SLC6A3: variants seen among roughly 807,000 people sequenced by gnomAD.
SLC6A3 encodes the protein sodium-dependent dopamine transporter.
Under a neutral mutation model 70.4 loss-of-function variants are expected in SLC6A3, and 19 were observed. The observed-to-expected ratio is 0.27, with a 90% CI of 0.19 to 0.40. SLC6A3 has a LOEUF of 0.40. Among genes scored for constraint, SLC6A3 ranks in the 10% least tolerant of loss-of-function variants. The pLI, the probability that SLC6A3 is intolerant of heterozygous loss-of-function variation, is 1.00. For synonymous variants in SLC6A3, 368 were observed against 356.6 expected (o/e 1.03, Z -0.36); for missense variants, 613 against 838.5 (o/e 0.73, Z 3.32).
rs1259708716 is a variant in SLC6A3 at position 1,404,581 on chromosome 5, T to C, written c.1600-1492A>G. Among the ~76,000 whole-genome samples, 2 of 152,248 alleles carry C rather than the reference T, an allele frequency of 1.3e-5. No homozygotes were observed. The highest frequency in any genetic ancestry group is 2.9e-5 in the Non-Finnish European group (2 of 68,036). The stretch of plus-strand genomic sequence containing the variant: ...TGGCATCATCTGCCACAGAGTCATC[T>C]GAACGAGACTGGGGCGTGTACACCC... On this transcript the variant is annotated intron_variant, in intron 12 of 14. Transcript: ENST00000270349. The surrounding 1 kb of genome is among the most constrained non-coding windows in gnomAD (Gnocchi z 5.2).
rs75916702 is a variant in SLC6A3, at chr5:1,409,113, C to T, written c.1411G>A (p.Val471Ile). The T allele has an allele frequency of 2.1e-5, 34 of 1,610,534 alleles. No individual in the cohort carries two copies. The highest frequency in any genetic ancestry group is 2.5e-5 in the Non-Finnish European group (30 of 1,178,586). The change falls in exon 11 of 15, where the codon GTC becomes ATC. Residue 471 changes from valine to isoleucine, a missense_variant. Physicochemically the swap from Val to Ile is conservative, Grantham distance 29. Coordinates refer to ENST00000270349, the MANE Select transcript of SLC6A3 (RefSeq NM_001044.5). ...GCAAAATGGTCCAGGAGCGTGAAGA[C>T]GTAGATGCCACCCTGGAAGAGAGGG... ...LFCVTNGGIY[V>I]FTLLDHFAAG...
rs750196294 is a variant in SLC6A3 at position 1,416,151 on chromosome 5, G to A, written c.978C>T (p.Phe326=). ...TQVCFSLGVG[F]GVLIAFSSYN... The stretch of plus-strand genomic sequence containing the variant: ...AGCTGGAGAAGGCGATCAGCACCCC[G>A]AACCCCACGCCCAGGGAGAAGCACA... The change falls in exon 7 of 15, where the codon TTC becomes TTT. Residue 326 remains phenylalanine (F), a synonymous_variant. Transcript: ENST00000270349. 2.1e-5 allele frequency: 34 copies of A among 1,613,820 alleles called. No individual in the cohort carries two copies. The highest frequency in any genetic ancestry group is 4.5e-5 in the East Asian group (2 of 44,894).
At position 1,414,811 on chromosome 5, in the gene SLC6A3, C is replaced by A; in HGVS notation, c.1036G>T (p.Ala346Ser). 6.2e-7 allele frequency: 1 copy of A among 1,612,870 alleles called. No homozygotes were observed. The highest frequency in any genetic ancestry group is 8.5e-7 in the Non-Finnish European group (1 of 1,179,850). ...NKFTNNCYRD[A>S]IVTTSINSLT... is the part of the protein sequence containing the mutation. Reference sequence around the variant, plus strand: ...GAGTTGATGGAGGTGGTGACAATCGCGTCCCTGTAAGAACAAGACACGCCG... The same window carrying A: ...GAGTTGATGGAGGTGGTGACAATCGAGTCCCTGTAAGAACAAGACACGCCG... The change falls in exon 8 of 15, where the codon GCG (alanine) becomes TCG (serine). Residue 346 changes from alanine (A) to serine (S), a missense_variant. Physicochemically the swap from Ala to Ser is moderately conservative, Grantham distance 99. Transcript: ENST00000270349.
Position 1,421,336 on chromosome 5 carries a change from C to T in SLC6A3, c.792+540G>A, listed in dbSNP as rs140030360. 1.1e-4 allele frequency among the ~76,000 whole-genome samples: 16 copies of T among 152,226 alleles called. No individual in the cohort carries two copies. The East Asian group carries it at 2.9e-3, about 28-fold the overall frequency. ...GGGATTATAGGCACGTGCCACCGTG[C>T]CTGGCTAATTTCGTATTTTTAGTAG... On this transcript the variant is annotated intron_variant, in intron 5 of 14. Transcript: ENST00000270349. This position sits in a 1 kb window ranked among gnomAD's most constrained non-coding sequence, Gnocchi z 7.2.
chr5:1,423,026 G>A lies in SLC6A3; in HGVS notation c.654-1012C>T, dbSNP rs192976109. ...GCTGCCCAGTGCTGCCCAAGGTGCT[G>A]GGTACCCACCACTGCCCACAGTACT... On this transcript the variant is annotated intron_variant, in intron 4 of 14. Transcript: ENST00000270349. Among the ~76,000 whole-genome samples, 22 of 58,550 alleles carry A rather than the reference G, an allele frequency of 3.8e-4. 1 individual carries two copies. Among genetic ancestry groups the A allele is most frequent in the South Asian group, 1.1e-3 (1 of 894 alleles). 38.4% of individuals were successfully genotyped at this position (58,550 alleles called of 152,430 possible). A position where few individuals can be genotyped will look rare whatever the true frequency, so the allele number is the denominator to read the frequency against.
At chr5:1,414,459 C>A (rs116103376) in intron 8 of SLC6A3, among the ~76,000 whole-genome samples, 64 of 72,530 alleles carry the variant, frequency 8.8e-4, no homozygotes, top group East Asian at 1.4e-3. Context: ...AGGGGCAGGG[C>A]GGGGAAGGCG....
chr5:1,424,789 C>T (rs1183281479), intron 4 of SLC6A3, among the ~76,000 whole-genome samples: 1 of 152,202 alleles, frequency 6.6e-6, no homozygotes, highest in Non-Finnish European at 1.5e-5. Flanking sequence ...GGGTCGAGCC[C>T]CTTCTCGAGA....
In SLC6A3 at chr5:1,432,707, AAGGGGG is replaced by A; in HGVS notation, c.419-15_419-10del. The A allele has an allele frequency of 6.2e-7, 1 of 1,607,282 alleles. No individual in the cohort carries two copies. Among genetic ancestry groups the A allele is most frequent in the Non-Finnish European group, 8.5e-7 (1 of 1,174,084 alleles). On this transcript the variant is annotated splice_polypyrimidine_tract_variant and intron_variant, in intron 3 of 14. Coordinates refer to ENST00000270349, the MANE Select transcript of SLC6A3 (RefSeq NM_001044.5). ...GACCGTGAAGCCCACACCTAGCGGG[AAGGGGG>A]AGGCCATGGAGCCCACGCAGGTGGA...
chr5:1,421,604 A>G lies in SLC6A3; in HGVS notation c.792+272T>C, dbSNP rs1334896902. Among the ~76,000 whole-genome samples, 1 of 148,660 alleles carries G rather than the reference A, an allele frequency of 6.7e-6. No homozygotes were observed. Among genetic ancestry groups the G allele is most frequent in the African/African-American group, 2.5e-5 (1 of 40,042 alleles). ...CCCAGCCACGGCCACGTGTCCCCCC[A>G]CCCACCCATGGCCGCGCGTCTACCC... On this transcript the variant is annotated intron_variant, in intron 5 of 14. Transcript: ENST00000270349. The surrounding 1 kb of genome is among the most constrained non-coding windows in gnomAD (Gnocchi z 7.2).
At chr5:1,432,772 A>C in intron 3 of SLC6A3, 74 bp from the exon 4 acceptor site, 1 of 993,160 alleles carries the variant, frequency 1.0e-6, no homozygotes, top group South Asian at 1.3e-5. Context: ...TGTCCCTTCC[A>C]CCTCCCCTCA....
At position 1,408,203 on chromosome 5, in the gene SLC6A3, A is replaced by ATTTTTTTTTT. The variant is rs760385170; in HGVS notation, c.1498+813_1498+822dup. Among the ~76,000 whole-genome samples the ATTTTTTTTTT allele has an allele frequency of 2.3e-5, 3 of 131,546 alleles. No individual in the cohort carries two copies. The highest frequency in any genetic ancestry group is 8.7e-5 in the African/African-American group (3 of 34,302). The allele number at this position is 131,546 out of a possible 152,430, so 86.3% of individuals were successfully genotyped here. A position where few individuals can be genotyped will look rare whatever the true frequency, so the allele number is the denominator to read the frequency against. ...AGCCTTGTGCCACCACACCCGGCTA[A>ATTTTTTTTTT]TTTTTTTTTTTTTTTTTTTTAGTAA... On this transcript the variant is annotated intron_variant, in intron 11 of 14. Coordinates refer to ENST00000270349, the MANE Select transcript of SLC6A3 (RefSeq NM_001044.5). The surrounding 1 kb of genome is among the most constrained non-coding windows in gnomAD (Gnocchi z 6.4).
chr5:1,420,166 G>T (rs1484027751), intron 6 of SLC6A3, among the ~76,000 whole-genome samples: 2 of 152,162 alleles, frequency 1.3e-5, no homozygotes, highest in Admixed American at 6.5e-5. Flanking sequence ...CAAGGGAGCT[G>T]CCATTTTTGT....
At chr5:1,407,185 T>C (rs1338158170) in intron 11 of SLC6A3, among the ~76,000 whole-genome samples, 2 of 152,196 alleles carry the variant, frequency 1.3e-5, no homozygotes, top group African/African-American at 4.8e-5. Context: ...TCCCCCCACA[T>C]CTGGCCTGGT....
chr5:1,409,149 A>G (rs1351027530), intron 10 of SLC6A3, 24 bp from the exon 11 acceptor site: 7 of 1,553,244 alleles, frequency 4.5e-6, no homozygotes, highest in Non-Finnish European at 5.3e-6. Context: ...GAGCCTGTGG[A>G]CCTACAGAAG....
chr5:1,393,762 CGTCCTGGGGT>C lies in SLC6A3; in HGVS notation c.*963_*972del. The C allele has an allele frequency of 7.4e-6, 1 of 134,556 alleles. No homozygotes were observed. Among genetic ancestry groups the C allele is most frequent in the South Asian group, 2.5e-4 (1 of 4,006 alleles). 8.3% of individuals were successfully genotyped at this position (134,556 alleles called of 1,614,324 possible). The stretch of plus-strand genomic sequence containing the variant: ...CACGCTCCTGTGGGGGCCCTGCATG[CGTCCTGGGGT>C]AGTACACGCTCCAGTGGGGGCCCTG... On this transcript the variant is annotated 3_prime_UTR_variant, in exon 15 of 15. Transcript: ENST00000270349.
chr5:1,441,538 T>A, intron 2 of SLC6A3, 48 bp from the exon 3 acceptor site: 2 of 1,602,758 alleles, frequency 1.2e-6, no homozygotes, highest in Non-Finnish European at 1.7e-6. Flanking sequence ...GAAGGGCCCA[T>A]CTCTCCTCGT....
At chr5:1,432,783 C>G (rs571155942) in intron 3 of SLC6A3, 85 bp from the exon 4 acceptor site, 3 of 905,604 alleles carry the variant, frequency 3.3e-6, no homozygotes, top group Non-Finnish European at 5.4e-6. Flanking sequence ...CCTCCCCTCA[C>G]GGGAGACATT....
At chr5:1,440,006 G>T (rs1428423305) in intron 3 of SLC6A3, among the ~76,000 whole-genome samples, 1 of 152,236 alleles carries the variant, frequency 6.6e-6, no homozygotes, top group Non-Finnish European at 1.5e-5. Context: ...GAAATGCTGG[G>T]AGAGGGCTTG....
At position 1,405,116 on chromosome 5, in the gene SLC6A3, G is replaced by A. The variant is rs994816761; in HGVS notation, c.1599+1072C>T. On this transcript the variant is annotated intron_variant, in intron 12 of 14. Transcript: ENST00000270349. This position sits in a 1 kb window ranked among gnomAD's most constrained non-coding sequence, Gnocchi z 5.3. ...CCCCATGAATCCAGGAACCTTCAAC[G>A]GGAGCCTTCACAAGCGCAGTTAACT... Among the ~76,000 whole-genome samples, 20 of 152,172 alleles carry A rather than the reference G, an allele frequency of 1.3e-4. No homozygotes were observed. Among genetic ancestry groups the A allele is most frequent in the African/African-American group, 2.9e-4 (12 of 41,446 alleles).
Sources: allele counts gnomAD v4.1 joint callset (sites outside exome capture counted in the v4.1 genomes callset), GRCh38; gene constraint gnomAD v4.1.1; non-coding constraint Gnocchi (gnomAD v3.1); transcripts MANE v1.5; gene names NCBI Gene and HGNC (gene_info 2026-07-23, HGNC 2026-07-21).